Variants in CHRNB4 observed in about 807,000 individuals in gnomAD.
CHRNB4 encodes neuronal acetylcholine receptor subunit beta-4.
Under a neutral mutation model 40.4 loss-of-function variants are expected in CHRNB4, and 23 were observed. That is an observed-to-expected ratio of 0.57 (90% CI 0.41 to 0.81). The LOEUF (loss-of-function observed/expected upper bound fraction) is 0.81. CHRNB4 is among the 30% of genes least tolerant of loss of function. The pLI, the probability that CHRNB4 is intolerant of heterozygous loss-of-function variation, is 0.00. For synonymous variants in CHRNB4, 285 were observed against 274.4 expected (o/e 1.04, Z -0.38); for missense variants, 568 against 670.6 (o/e 0.85, Z 1.69).
At chr15:78,645,160 A>G (rs533814521), upstream of CHRNB4, among the ~76,000 whole-genome samples, 3 of 152,280 alleles carry the variant, frequency 2.0e-5, no homozygotes, top group Admixed American at 6.5e-5. Context: ...TACCCTAGTC[A>G]TCCCAGGGCC....
At chr15:78,647,011 G>T (rs1454950040) in intron 7 of CHRNB4, among the ~76,000 whole-genome samples, 1 of 152,080 alleles carries the variant, frequency 6.6e-6, no homozygotes, top group Non-Finnish European at 1.5e-5. Flanking sequence ...GTGTGCTGGT[G>T]TGTGTCTGTA....
intron 2 of CHRNB4, among the ~76,000 whole-genome samples, chr15:78,657,655 G>A (rs557740012): frequency 5.3e-4 from 59 of 111,924 alleles, no homozygotes; most frequent in African/African-American, 1.5e-3. Context: ...CCGGGTTCAC[G>A]CCATTCTCCT....
intron 3 of CHRNB4, 23 bp from the exon 4 acceptor site, chr15:78,631,208 G>C (rs1245974632): frequency 6.2e-7 from 1 of 1,613,244 alleles, no homozygotes; most frequent in Non-Finnish European, 8.5e-7. Context: ...GCAAGGCCCT[G>C]TCACTTGCAG....
intron 6 of CHRNB4, among the ~76,000 whole-genome samples, chr15:78,650,031 C>T (rs1423192882): frequency 7.3e-6 from 1 of 137,466 alleles, no homozygotes; most frequent in African/African-American, 2.7e-5. Flanking sequence ...AGTGCCTTTT[C>T]ATGAGTGTGC....
chr15:78,651,521 G>C (rs2054171721), intron 6 of CHRNB4, among the ~76,000 whole-genome samples: 1 of 152,322 alleles, frequency 6.6e-6, no homozygotes, highest in African/African-American at 2.4e-5. Flanking sequence ...CCTTGCCCTT[G>C]GTGGTCCCAC....
intron 7 of CHRNB4, among the ~76,000 whole-genome samples, chr15:78,648,522 G>A (rs1249577301): frequency 2.6e-5 from 4 of 151,656 alleles, no homozygotes; most frequent in African/African-American, 7.3e-5. Context: ...TTGGGAGGCC[G>A]AGGCGGATGG....
At chr15:78,626,253 C>T (rs1042679340) in intron 5 of CHRNB4, 1 of 152,376 alleles carries the variant, frequency 6.6e-6, no homozygotes, top group African/African-American at 2.4e-5. Context: ...CACCTGTCCC[C>T]AAGACTCAGC....
intron 2 of CHRNB4, among the ~76,000 whole-genome samples, chr15:78,632,393 C>T (rs1432513089): frequency 6.6e-6 from 1 of 151,966 alleles, no homozygotes; most frequent in Non-Finnish European, 1.5e-5. Context: ...CTGCAACCTC[C>T]ACCTCCCAGG....
At chr15:78,628,190 C>A (rs1217603873) in intron 5 of CHRNB4, 1 of 152,150 alleles carries the variant, frequency 6.6e-6, no homozygotes, top group African/African-American at 2.4e-5. Context: ...AAATAAAAAT[C>A]TGTAATTCTA....
At chr15:78,639,246 G>A (rs1205728612) in intron 1 of CHRNB4, among the ~76,000 whole-genome samples, 1 of 152,216 alleles carries the variant, frequency 6.6e-6, no homozygotes, top group Non-Finnish European at 1.5e-5. Flanking sequence ...CAACTGGGGT[G>A]TATGTCCTTA....
At chr15:78,632,171 C>CTTTCTTTCTT (rs1555422142) in intron 2 of CHRNB4, among the ~76,000 whole-genome samples, 1 of 4,450 alleles carries the variant, frequency 2.2e-4, no homozygotes, top group Admixed American at 7.5e-3. Context: ...TCTTTTCTTT[C>CTTTCTTTCTT]TCTTTCTTTC....
intron 1 of CHRNB4, among the ~76,000 whole-genome samples, chr15:78,660,196 G>A (rs1056581864): frequency 9.1e-5 from 12 of 131,990 alleles, no homozygotes; most frequent in Non-Finnish European, 1.8e-4. Context: ...AACAGAGCAA[G>A]ACTCCGTCTT....
chr15:78,640,128 T>C (rs1232511975), intron 1 of CHRNB4, among the ~76,000 whole-genome samples: 2 of 152,206 alleles, frequency 1.3e-5, no homozygotes, highest in East Asian at 1.9e-4. Context: ...AGCTATGGCT[T>C]CCTCTCAGAT....
rs528445489 is a variant in CHRNB4, at chr15:78,624,919, C to A, written c.*214G>T. The stretch of plus-strand genomic sequence containing the variant: ...CCAGAATTGAACTGTCTGAAGCTCC[C>A]TCCTACTGGGGCTTCCTGGGATCCC... On this transcript the variant is annotated 3_prime_UTR_variant, in exon 6 of 6. Coordinates refer to ENST00000261751, the MANE Select transcript of CHRNB4 (RefSeq NM_000750.5). 2.1e-4 allele frequency: 309 copies of A among 1,467,362 alleles called. 1 individual carries two copies. In the South Asian group the frequency reaches 3.2e-3, roughly 15 times the overall value. 90.9% of individuals were successfully genotyped at this position (1,467,362 alleles called of 1,614,324 possible). A position where few individuals can be genotyped will look rare whatever the true frequency, so the allele number is the denominator to read the frequency against.
At chr15:78,625,433 C>T (rs974558255) in intron 5 of CHRNB4, 142 bp from the exon 6 acceptor site, 5 of 727,962 alleles carry the variant, frequency 6.9e-6, no homozygotes, top group Non-Finnish European at 1.1e-5. Flanking sequence ...TTCTGAGTCC[C>T]AGGCTGGCCT....
intron 6 of CHRNB4, among the ~76,000 whole-genome samples, chr15:78,649,590 C>A (rs1004131387): frequency 6.6e-6 from 1 of 151,966 alleles, no homozygotes; most frequent in Non-Finnish European, 1.5e-5. Context: ...GTTTGCTGAC[C>A]CTTGATCTAA....
chr15:78,636,989 AAC>A (rs1477018355), intron 1 of CHRNB4, among the ~76,000 whole-genome samples: 1 of 152,152 alleles, frequency 6.6e-6, no homozygotes, highest in Non-Finnish European at 1.5e-5. Context: ...CCTAAGAAGA[AAC>A]AGAGCTGAGA....
chr15:78,657,507 G>A (rs1197751817), intron 2 of CHRNB4: 2 of 152,182 alleles, frequency 1.3e-5, no homozygotes, highest in Non-Finnish European at 2.9e-5. Context: ...CCTTTGAGCT[G>A]GCTTGGGATG....
intron 1 of CHRNB4, among the ~76,000 whole-genome samples, chr15:78,640,490 C>T (rs1275858164): frequency 6.6e-6 from 1 of 152,184 alleles, no homozygotes; most frequent in East Asian, 1.9e-4. Context: ...GGAGATCCAC[C>T]CCCAAAGCAC....
Sources: gnomAD v4.1 joint callset for allele counts (sites outside exome capture counted in the v4.1 genomes callset) on GRCh38, gnomAD v4.1.1 for gene constraint, MANE v1.5 for transcripts, NCBI Gene and HGNC (gene_info 2026-07-23, HGNC 2026-07-21) for gene names.